Variants in SPATS2 observed in about 807,000 individuals in gnomAD.
SPATS2 encodes the protein spermatogenesis-associated serine-rich protein 2.
A neutral mutation model predicts 63.7 loss-of-function variants in SPATS2; 38 were observed. That is an observed-to-expected ratio of 0.60 (90% CI 0.46 to 0.78). The LOEUF (loss-of-function observed/expected upper bound fraction) is 0.78, where lower values mean the gene tolerates loss of function less well. SPATS2 is among the 30% of genes least tolerant of loss of function. The pLI, the probability that SPATS2 is intolerant of heterozygous loss-of-function variation, is 0.00. For synonymous variants in SPATS2, 207 were observed against 232.9 expected (o/e 0.89, Z 1.01); for missense variants, 588 against 666.2 (o/e 0.88, Z 1.29).
intron 2 of SPATS2, among the ~76,000 whole-genome samples, chr12:49,397,751 GC>G (rs1197242211): frequency 2.0e-5 from 3 of 150,302 alleles, no homozygotes; most frequent in South Asian, 2.1e-4. Flanking sequence ...GATCACTTGA[GC>G]CCAGGAGTTT....
intron 2 of SPATS2, among the ~76,000 whole-genome samples, chr12:49,372,939 T>TG (rs1457579155): frequency 5.2e-5 from 7 of 133,892 alleles, no homozygotes; most frequent in Non-Finnish European, 9.4e-5. Context: ...GATTTTCTGT[T>TG]TTGTGTGTGT....
chr12:49,470,633 A>C lies in SPATS2; in HGVS notation c.25+9596A>C, dbSNP rs138901242. Among the ~76,000 whole-genome samples, 72 of 152,308 alleles carry C rather than the reference A, an allele frequency of 4.7e-4. No individual in the cohort carries two copies. In the South Asian group the frequency reaches 0.012, roughly 26 times the overall value. ...GCTTCTCATGTACCTTCTGGTTCTT[A>C]TCTGTTAGCAAGACTTCTTAAATTC... is the stretch of plus-strand genomic sequence containing the variant. On this transcript the variant is annotated intron_variant, in intron 3 of 13. Coordinates refer to ENST00000552918, the MANE Select transcript of SPATS2 (RefSeq NM_023071.4).
intron 3 of SPATS2, among the ~76,000 whole-genome samples, chr12:49,470,065 G>A (rs1209938366): frequency 6.6e-6 from 1 of 151,224 alleles, no homozygotes; most frequent in Admixed American, 6.6e-5. Flanking sequence ...TTTTGCTTTT[G>A]TTGCCCAGGC....
chr12:49,374,517 A>T (rs1944058552), intron 2 of SPATS2, among the ~76,000 whole-genome samples: 1 of 152,220 alleles, frequency 6.6e-6, no homozygotes, highest in African/African-American at 2.4e-5. Context: ...ATGGCAGCCT[A>T]TAGGAATGGG....
intron 2 of SPATS2, among the ~76,000 whole-genome samples, chr12:49,437,085 G>A (rs1473467269): frequency 5.3e-4 from 80 of 151,880 alleles, no homozygotes; most frequent in African/African-American, 7.0e-4. Context: ...AGTGGCTGCC[G>A]GGCGGAGGGG....
intron 3 of SPATS2, among the ~76,000 whole-genome samples, chr12:49,476,665 G>A (rs746881489): frequency 1.3e-4 from 20 of 152,138 alleles, no homozygotes; most frequent in Non-Finnish European, 2.6e-4. Flanking sequence ...CTGAAGAAGC[G>A]AGCCACACCC....
At chr12:49,389,748 G>T (rs1944387043) in intron 2 of SPATS2, 9 of 1,521,556 alleles carry the variant, frequency 5.9e-6, no homozygotes, top group Middle Eastern at 3.5e-4. Context: ...ACAAATCAGA[G>T]AATTGCAACA....
intron 2 of SPATS2, among the ~76,000 whole-genome samples, chr12:49,428,116 G>A (rs1439165497): frequency 6.6e-6 from 1 of 152,000 alleles, no homozygotes; most frequent in African/African-American, 2.4e-5. Context: ...TTAGCCGGGC[G>A]CCATGGCAGG....
At chr12:49,441,351 TC>T (rs1945414982) in intron 2 of SPATS2, among the ~76,000 whole-genome samples, 1 of 152,202 alleles carries the variant, frequency 6.6e-6, no homozygotes, top group South Asian at 2.1e-4. Context: ...AAGTATCTCT[TC>T]TCGTTCAGAT....
chr12:49,512,764 G>A (rs1393767205), intron 9 of SPATS2: 12 of 719,030 alleles, frequency 1.7e-5, no homozygotes, highest in Non-Finnish European at 2.0e-5. Flanking sequence ...TGGACACAGC[G>A]TCTGCATCTT....
intron 2 of SPATS2, among the ~76,000 whole-genome samples, chr12:49,437,561 C>T (rs927146241): frequency 6.6e-6 from 1 of 152,216 alleles, no homozygotes; most frequent in African/African-American, 2.4e-5. Context: ...GTGAACGCGA[C>T]TCCGTCTGCC....
intron 2 of SPATS2, among the ~76,000 whole-genome samples, chr12:49,418,736 C>T (rs1416070872): frequency 1.3e-5 from 2 of 152,146 alleles, no homozygotes; most frequent in Non-Finnish European, 2.9e-5. Context: ...CCACTGTGGC[C>T]AGCCGACTAA....
Position 49,484,653 on chromosome 12 carries a change from A to C in SPATS2, c.89A>C (p.Glu30Ala). ...NTVLAQGGAF[E>A]NMKEKINAVR... is the part of the protein sequence containing the mutation. ...GTACTGGCCCAGGGAGGAGCTTTTG[A>C]GAACATGAAAGAGAAGGTAAGACTA... The change falls in exon 4 of 14, where the codon GAG (glutamate) becomes GCG (alanine). Residue 30 changes from glutamate (E) to alanine (A), a missense_variant. By Grantham distance (107) the Glu-to-Ala change is moderately radical. Coordinates refer to ENST00000552918, the MANE Select transcript of SPATS2 (RefSeq NM_023071.4). The C allele has an allele frequency of 6.2e-7, 1 of 1,614,060 alleles. No homozygotes were observed. Among genetic ancestry groups the C allele is most frequent in the Non-Finnish European group, 8.5e-7 (1 of 1,179,932 alleles).
chr12:49,400,095 C>A (rs1944579850), intron 2 of SPATS2, among the ~76,000 whole-genome samples: 1 of 152,116 alleles, frequency 6.6e-6, no homozygotes, highest in Non-Finnish European at 1.5e-5. Flanking sequence ...CAGCTGTGAA[C>A]AAAACAGACC....
intron 2 of SPATS2, among the ~76,000 whole-genome samples, chr12:49,414,124 T>G (rs758510700): frequency 1.3e-5 from 2 of 152,208 alleles, no homozygotes; most frequent in African/African-American, 4.8e-5. Context: ...CTTTTCATTT[T>G]GTATGGTCTC....
At chr12:49,408,276 G>A (rs1944731424) in intron 2 of SPATS2, among the ~76,000 whole-genome samples, 1 of 143,146 alleles carries the variant, frequency 7.0e-6, no homozygotes, top group South Asian at 2.2e-4. Flanking sequence ...TTTTGAGACA[G>A]ACTCTCACTC....
chr12:49,403,799 G>A (rs1316622336), intron 2 of SPATS2, among the ~76,000 whole-genome samples: 1 of 152,104 alleles, frequency 6.6e-6, no homozygotes, highest in Admixed American at 6.6e-5. Context: ...GGTTGGAAAG[G>A]GAAGGGACAG....
intron 2 of SPATS2, among the ~76,000 whole-genome samples, chr12:49,422,138 A>G (rs1944994567): frequency 6.6e-6 from 1 of 152,114 alleles, no homozygotes; most frequent in Admixed American, 6.6e-5. Flanking sequence ...TATTCATCTC[A>G]TATTTATTCT....
intron 10 of SPATS2, among the ~76,000 whole-genome samples, chr12:49,516,156 AAAAAAAAAAAATATAT>A (rs1366054263): frequency 0.014 from 593 of 41,332 alleles, 74 homozygotes; most frequent in African/African-American, 0.062. Context: ...AAAAAAAAAA[AAAAAAAAAAAATATAT>A]ATATATATAT....
Sources: allele counts gnomAD v4.1 joint callset (sites outside exome capture counted in the v4.1 genomes callset), GRCh38; gene constraint gnomAD v4.1.1; transcripts MANE v1.5; gene names NCBI Gene and HGNC (gene_info 2026-07-23, HGNC 2026-07-21).